The following PARP12 variants were observed in gnomAD, a reference collection of about 807,000 sequenced individuals.
PARP12 encodes the protein poly(ADP-ribose) polymerase family member 12, also known as protein mono-ADP-ribosyltransferase PARP12.
PARP12 carries 59 observed loss-of-function variants against 72.4 expected under a neutral mutation model. The observed-to-expected ratio is 0.81, with a 90% CI of 0.66 to 1.01. The LOEUF is 1.01. PARP12 is among the 50% of genes least tolerant of loss of function. PARP12 has a pLI of 0.00. For synonymous variants in PARP12, 403 were observed against 371.4 expected, an observed-to-expected ratio of 1.09 and a Z score of -0.98; for missense variants, 851 against 914.0, an observed-to-expected ratio of 0.93 and a Z score of 0.89.
intron 1 of PARP12, among the ~76,000 whole-genome samples, chr7:140,059,622 G>A (rs1235323691): frequency 6.6e-6 from 1 of 152,144 alleles, no homozygotes; most frequent in East Asian, 1.9e-4. Flanking sequence ...GCCAAACCCT[G>A]ATCCACCCCA....
intron 1 of PARP12, among the ~76,000 whole-genome samples, chr7:140,061,892 G>A (rs1425789164): frequency 6.6e-6 from 1 of 150,392 alleles, no homozygotes; most frequent in Non-Finnish European, 1.5e-5. Context: ...GTTGAGGCCT[G>A]AAGGATTAAC....
chr7:140,042,323 C>A (rs1816510942), intron 5 of PARP12, among the ~76,000 whole-genome samples: 1 of 152,238 alleles, frequency 6.6e-6, no homozygotes. Flanking sequence ...GAAACCTGTT[C>A]AAGGTCAAAC....
intron 4 of PARP12, among the ~76,000 whole-genome samples, chr7:140,048,785 G>A (rs931032408): frequency 1.3e-5 from 2 of 152,232 alleles, no homozygotes; most frequent in East Asian, 3.9e-4. Context: ...AGTGAAAAAG[G>A]TAGAAAGCCA....
intron 6 of PARP12, chr7:140,041,327 AGTTAC>A: frequency 4.2e-6 from 1 of 240,344 alleles, no homozygotes; most frequent in Non-Finnish European, 8.2e-6. Context: ...TGTGGGGTTA[AGTTAC>A]CTGTTCAACA....
intron 1 of PARP12, among the ~76,000 whole-genome samples, chr7:140,059,586 C>A (rs1397294103): frequency 6.6e-6 from 1 of 152,182 alleles, no homozygotes; most frequent in African/African-American, 2.4e-5. Flanking sequence ...CACTGCCATG[C>A]CTCCTATGCC....
At chr7:140,033,272 CA>C in intron 8 of PARP12, 1 of 985,464 alleles carries the variant, frequency 1.0e-6, no homozygotes, top group Non-Finnish European at 1.2e-6. Flanking sequence ...ACTCACAAGG[CA>C]GTTTCGTGGA....
Position 140,062,627 on chromosome 7 carries a change from A to C in PARP12, c.221T>G (p.Leu74Arg). Residue 74 changes from leucine (L) to arginine (R), a missense_variant, in exon 1 of 12, where the codon CTG (leucine) becomes CGG (arginine). Around this residue, in one of 3 missense-constraint regions of PARP12, gnomAD observed 492 missense variants for 489.3 expected, o/e 1.01. Coordinates refer to ENST00000263549, the MANE Select transcript of PARP12 (RefSeq NM_022750.4). ...RVVLAASPLRLCRAHQGSKPG... is the reference protein window; with the variant it reads ...RVVLAASPLRRCRAHQGSKPG... ...CTTGGAGCCCTGGTGCGCGCGACAC[A>C]GGCGCAGCGGCGAGGCGGCCAGCAC... 6.7e-7 allele frequency: 1 copy of C among 1,490,086 alleles called. No individual in the cohort carries two copies. The highest frequency in any genetic ancestry group is 1.5e-5 in the African/African-American group (1 of 68,538). 92.3% of individuals were successfully genotyped at this position (1,490,086 alleles called of 1,614,324 possible).
chr7:140,057,713 G>C, intron 2 of PARP12, 186 bp downstream of exon 2: 1 of 731,722 alleles, frequency 1.4e-6, no homozygotes, highest in Non-Finnish European at 2.2e-6. Flanking sequence ...TTGTGGAACT[G>C]GGTTGTTGGC....
intron 9 of PARP12, 113 bp downstream of exon 9, chr7:140,028,500 A>C (rs1815819892): frequency 1.0e-6 from 1 of 953,950 alleles, no homozygotes. Context: ...TCCTGCCCCA[A>C]TTAGCCCCAG....
Position 140,062,701 on chromosome 7 carries a change from G to C in PARP12, c.147C>G (p.Phe49Leu). The C allele has an allele frequency of 2.3e-6, 3 of 1,317,780 alleles. No homozygotes were observed. The highest frequency in any genetic ancestry group is 2.9e-6 in the Non-Finnish European group (3 of 1,029,554). The allele number at this position is 1,317,780 out of a possible 1,614,324, so 81.6% of individuals were successfully genotyped here. Residue 49 changes from phenylalanine (F) to leucine (L), a missense_variant, in exon 1 of 12, where the codon TTC (phenylalanine) becomes TTG (leucine). By Grantham distance (22) the Phe-to-Leu change is conservative. Transcript: ENST00000263549. ...LERLLRQRGRFVVAVRAGGAA... is the reference protein window; with the variant it reads ...LERLLRQRGRLVVAVRAGGAA... ...CGCCGCCCGCCCGCACCGCCACCAC[G>C]AAGCGCCCACGCTGCCGCAGCAGCC... is the stretch of plus-strand genomic sequence containing the variant.
At chr7:140,030,006 ACC>A (rs1413617659) in intron 8 of PARP12, among the ~76,000 whole-genome samples, 1 of 152,228 alleles carries the variant, frequency 6.6e-6, no homozygotes, top group African/African-American at 2.4e-5. Context: ...GATGAGATGC[ACC>A]TATCCGCAGC....
At chr7:140,031,067 A>C (rs1815923598) in intron 8 of PARP12, among the ~76,000 whole-genome samples, 1 of 152,258 alleles carries the variant, frequency 6.6e-6, no homozygotes, top group Non-Finnish European at 1.5e-5. Flanking sequence ...ACTTGTACTT[A>C]AGTGAAGAAC....
chr7:140,036,988 A>G (rs1585090723), intron 7 of PARP12, among the ~76,000 whole-genome samples: 1 of 152,140 alleles, frequency 6.6e-6, no homozygotes, highest in South Asian at 2.1e-4. Context: ...TCTGTGTCCT[A>G]CCATCCGTTA....
At chr7:140,058,110 A>AGGGT (rs1255973813) in intron 1 of PARP12, 76 bp from the exon 2 acceptor site, 1 of 1,513,180 alleles carries the variant, frequency 6.6e-7, no homozygotes, top group African/African-American at 1.4e-5. Context: ...CCTAACTCCC[A>AGGGT]CGACCTCAGG....
intron 8 of PARP12, among the ~76,000 whole-genome samples, chr7:140,032,566 C>T (rs1164638200): frequency 6.6e-6 from 1 of 152,068 alleles, no homozygotes; most frequent in Non-Finnish European, 1.5e-5. Context: ...ACAACACAAA[C>T]ATCCATGAAA....
At chr7:140,047,092 C>T (rs1816763514) in intron 4 of PARP12, 85 bp from the exon 5 acceptor site, 1 of 1,432,576 alleles carries the variant, frequency 7.0e-7, no homozygotes. Flanking sequence ...TGTGGTGCTG[C>T]CCACTGACCT....
chr7:140,033,946 G>T (rs777766680), intron 8 of PARP12: 142 of 1,031,168 alleles, frequency 1.4e-4, no homozygotes, highest in Non-Finnish European at 1.6e-4. Context: ...AAAGACAAAC[G>T]GATGGGTTGG....
intron 1 of PARP12, among the ~76,000 whole-genome samples, chr7:140,062,244 C>G (rs1817487521): frequency 1.3e-5 from 2 of 150,250 alleles, no homozygotes; most frequent in South Asian, 4.3e-4. Flanking sequence ...CCCCACACGG[C>G]CACACCCGGG....
chr7:140,026,479 C>A lies in PARP12; in HGVS notation c.1629-131G>T, dbSNP rs1815742356. 5 of 1,184,230 alleles carry A rather than the reference C, an allele frequency of 4.2e-6. No individual in the cohort carries two copies. In the South Asian group the frequency reaches 6.2e-5, roughly 15 times the overall value. 73.4% of individuals were successfully genotyped at this position (1,184,230 alleles called of 1,614,324 possible). On this transcript the variant is annotated intron_variant, in intron 10 of 11. Transcript: ENST00000263549. ...GGGACCAAGAGACGCAGGTCACAGGCTACCCTGACTAGGCCTGTAAGCTCC... is the reference window on the plus strand; with the variant it reads ...GGGACCAAGAGACGCAGGTCACAGGATACCCTGACTAGGCCTGTAAGCTCC...
Sources: allele counts gnomAD v4.1 joint callset (sites outside exome capture counted in the v4.1 genomes callset), GRCh38; gene constraint gnomAD v4.1.1; regional missense constraint gnomAD v4.1.1; transcripts MANE v1.5; gene names NCBI Gene and HGNC (gene_info 2026-07-23, HGNC 2026-07-21).